Variants in SLC27A2 observed in about 807,000 individuals in gnomAD.
SLC27A2 encodes long-chain fatty acid transport protein 2.
SLC27A2 carries 54 observed loss-of-function variants against 60.0 expected under a neutral mutation model. The ratio of observed to expected loss-of-function variants is 0.90; its 90% CI spans 0.72 to 1.13. The LOEUF (loss-of-function observed/expected upper bound fraction) is 1.13, where lower values mean the gene tolerates loss of function less well. SLC27A2 is among the 50% of genes most tolerant of loss of function. The pLI, the probability that SLC27A2 is intolerant of heterozygous loss-of-function variation, is 0.00. For synonymous variants in SLC27A2, 297 were observed against 297.6 expected, an observed-to-expected ratio of 1.00 and a Z score of 0.02; for missense variants, 739 against 777.6, an observed-to-expected ratio of 0.95 and a Z score of 0.59.
intron 8 of SLC27A2, among the ~76,000 whole-genome samples, chr15:50,232,021 G>A (rs973059248): frequency 3.3e-5 from 5 of 152,204 alleles, no homozygotes; most frequent in African/African-American, 1.2e-4. Context: ...AAATTCTAAA[G>A]TCCCTCCCAA....
Position 50,205,342 on chromosome 15 carries a change from G to C in SLC27A2, c.951G>C (p.Arg317=). Residue 317 remains arginine, a synonymous_variant, in exon 4 of 10, where the codon CGG becomes CGC. Coordinates refer to ENST00000267842, the MANE Select transcript of SLC27A2 (RefSeq NM_003645.4). The stretch of plus-strand genomic sequence containing the variant: ...TTCAGTATATCGGTGAACTGCTTCG[G>C]TATTTATGCAACTCACCACAGGTAA... ...TVIQYIGELL[R]YLCNSPQKPN... The C allele has an allele frequency of 6.2e-7, 1 of 1,606,214 alleles. No individual in the cohort carries two copies. Among genetic ancestry groups the C allele is most frequent in the Admixed American group, 1.7e-5 (1 of 59,572 alleles).
At chr15:50,210,686 C>T (rs1199941101) in intron 4 of SLC27A2, among the ~76,000 whole-genome samples, 3 of 152,150 alleles carry the variant, frequency 2.0e-5, no homozygotes, top group Admixed American at 6.5e-5. Context: ...ACTCCACAGG[C>T]GGAGAAGAAC....
chr15:50,203,147 C>T (rs1388746510), intron 3 of SLC27A2, among the ~76,000 whole-genome samples: 9 of 151,848 alleles, frequency 5.9e-5, no homozygotes, highest in Non-Finnish European at 1.0e-4. Flanking sequence ...GTGATTGCAC[C>T]ACTGCACTCC....
intron 1 of SLC27A2, among the ~76,000 whole-genome samples, chr15:50,188,286 T>C (rs2044941891): frequency 2.0e-5 from 3 of 152,024 alleles, no homozygotes; most frequent in Admixed American, 2.0e-4. Context: ...ATCAGGTGCT[T>C]AAAACAGTGA....
intron 4 of SLC27A2, 44 bp from the exon 5 acceptor site, chr15:50,222,920 TC>T (rs1223974092): frequency 2.8e-6 from 4 of 1,449,990 alleles, no homozygotes; most frequent in Non-Finnish European, 9.5e-7. Context: ...AAGCATAGGC[TC>T]CAGAGATGTT....
intron 4 of SLC27A2, among the ~76,000 whole-genome samples, chr15:50,212,219 G>A (rs1378469327): frequency 6.6e-6 from 1 of 151,992 alleles, no homozygotes; most frequent in African/African-American, 2.4e-5. Context: ...CGAAGTCAAG[G>A]TCTTTGAATT....
chr15:50,191,908 AC>A (rs1407542286), intron 1 of SLC27A2, among the ~76,000 whole-genome samples: 1 of 151,948 alleles, frequency 6.6e-6, no homozygotes. Flanking sequence ...AAAAATACAA[AC>A]ATTAGCCGGG....
intron 1 of SLC27A2, among the ~76,000 whole-genome samples, chr15:50,195,576 C>T (rs2045007538): frequency 6.6e-6 from 1 of 152,070 alleles, no homozygotes; most frequent in African/African-American, 2.4e-5. Context: ...TGGGTGAGGA[C>T]TTGTTTATTT....
intron 1 of SLC27A2, among the ~76,000 whole-genome samples, chr15:50,185,779 G>A (rs1363803292): frequency 6.6e-6 from 1 of 151,720 alleles, no homozygotes; most frequent in Non-Finnish European, 1.5e-5. Flanking sequence ...ACAGGCACCC[G>A]CCACCACGCC....
intron 4 of SLC27A2, among the ~76,000 whole-genome samples, chr15:50,206,700 G>A (rs115960033): frequency 0.012 from 1,897 of 152,176 alleles, 44 homozygotes; most frequent in African/African-American, 0.043. Context: ...AATGAAAGCC[G>A]CATATGAGCA....
chr15:50,224,088 CAA>C (rs2045262801), intron 5 of SLC27A2, among the ~76,000 whole-genome samples: 2 of 152,140 alleles, frequency 1.3e-5, no homozygotes, highest in African/African-American at 2.4e-5. Context: ...ACAGAGATAA[CAA>C]GAGAAAATAT....
chr15:50,185,698 C>T lies in SLC27A2; in HGVS notation c.478+2793C>T, dbSNP rs538884064. Among the ~76,000 whole-genome samples the T allele has an allele frequency of 4.0e-4, 56 of 140,412 alleles. 2 individuals are homozygous for T. The South Asian group carries it at 6.6e-3, about 17-fold the overall frequency. 92.1% of individuals were successfully genotyped at this position (140,412 alleles called of 152,430 possible). ...AGGCCAGGCTGCTGTGGCGTGATCT[C>T]GGCTCACTGCAAGCTCCACCTCCCT... On this transcript the variant is annotated intron_variant, in intron 1 of 9. Coordinates refer to ENST00000267842, the MANE Select transcript of SLC27A2 (RefSeq NM_003645.4).
chr15:50,186,514 G>A (rs1457081573), intron 1 of SLC27A2, among the ~76,000 whole-genome samples: 2 of 151,992 alleles, frequency 1.3e-5, no homozygotes, highest in Admixed American at 1.3e-4. Context: ...CTCGACTCAC[G>A]GCAACCTCCG....
At chr15:50,225,767 A>G (rs748356575) in intron 5 of SLC27A2, among the ~76,000 whole-genome samples, 2 of 152,228 alleles carry the variant, frequency 1.3e-5, no homozygotes, top group African/African-American at 2.4e-5. Context: ...TGACAGCAGT[A>G]TAAGTCAGAA....
chr15:50,212,821 A>G (rs1272730559), intron 4 of SLC27A2, among the ~76,000 whole-genome samples: 1 of 152,222 alleles, frequency 6.6e-6, no homozygotes, highest in Non-Finnish European at 1.5e-5. Context: ...CTGCAAACAC[A>G]TCATAACACA....
In SLC27A2 at chr15:50,182,627, C is replaced by G; in HGVS notation, c.200C>G (p.Pro67Arg). The G allele has an allele frequency of 6.2e-7, 1 of 1,613,960 alleles. No homozygotes were observed. Among genetic ancestry groups the G allele is most frequent in the Non-Finnish European group, 8.5e-7 (1 of 1,179,900 alleles). ...TTCCTGGAGAAAGCGCGCCAGACGC[C>G]ACACAAGCCTTTTCTGCTCTTCCGC... Reference protein sequence around the residue: ...RAFLEKARQTPHKPFLLFRDE... With the variant: ...RAFLEKARQTRHKPFLLFRDE... The change falls in exon 1 of 10, where the codon CCA becomes CGA. Residue 67 changes from proline to arginine, a missense_variant. Coordinates refer to ENST00000267842, the MANE Select transcript of SLC27A2 (RefSeq NM_003645.4).
At chr15:50,208,131 C>T (rs2045127525) in intron 4 of SLC27A2, among the ~76,000 whole-genome samples, 1 of 152,162 alleles carries the variant, frequency 6.6e-6, no homozygotes, top group South Asian at 2.1e-4. Flanking sequence ...CTTAGCAGAA[C>T]AGCTAAACCA....
intron 2 of SLC27A2, among the ~76,000 whole-genome samples, chr15:50,201,478 C>A (rs747574430): frequency 2.0e-4 from 31 of 151,740 alleles, no homozygotes; most frequent in Admixed American, 1.6e-3. Flanking sequence ...TAAGGGAAAT[C>A]TTTATGTACA....
intron 8 of SLC27A2, 84 bp from the exon 9 acceptor site, chr15:50,233,784 G>A: frequency 8.0e-7 from 1 of 1,250,372 alleles, no homozygotes; most frequent in Middle Eastern, 2.7e-4. Context: ...TGCTATAAAT[G>A]TTGTCTGAGC....
Sources: gnomAD v4.1 joint callset for allele counts (sites outside exome capture counted in the v4.1 genomes callset) on GRCh38, gnomAD v4.1.1 for gene constraint, MANE v1.5 for transcripts, NCBI Gene and HGNC (gene_info 2026-07-23, HGNC 2026-07-21) for gene names.